The following CDH13 variants were observed in gnomAD, a reference collection of about 807,000 sequenced individuals.
CDH13 encodes the protein cadherin 13.
Under a neutral mutation model 63.8 loss-of-function variants are expected in CDH13, and 24 were observed. The observed-to-expected ratio is 0.38, with a 90% CI of 0.27 to 0.53. CDH13 has a LOEUF of 0.53. Among genes scored for constraint, CDH13 ranks in the 20% least tolerant of loss-of-function variants. The pLI, the probability that CDH13 is intolerant of heterozygous loss-of-function variation, is 0.85. For synonymous variants in CDH13, 503 were observed against 355.3 expected (o/e 1.42, Z -4.67); for missense variants, 1,049 against 903.1 (o/e 1.16, Z -2.07).
chr16:82,878,618 C>T (rs16958803), intron 2 of CDH13, among the ~76,000 whole-genome samples: 1 of 149,800 alleles, frequency 6.7e-6, no homozygotes, highest in Non-Finnish European at 1.5e-5. Context: ...TTCTTGGTAA[C>T]GATTTTCTCA....
At chr16:83,026,776 G>T (rs757181735) in intron 2 of CDH13, among the ~76,000 whole-genome samples, 42 of 152,140 alleles carry the variant, frequency 2.8e-4, no homozygotes, top group Non-Finnish European at 4.4e-4. Flanking sequence ...CATGACTGTT[G>T]TCTGTCCAAG....
intron 11 of CDH13, among the ~76,000 whole-genome samples, chr16:83,777,167 T>C (rs1239123258): frequency 6.6e-6 from 1 of 152,236 alleles, no homozygotes; most frequent in Non-Finnish European, 1.5e-5. Flanking sequence ...TCACATTTCC[T>C]ATCAATCCAA....
chr16:83,006,597 G>A (rs544491613), intron 2 of CDH13, among the ~76,000 whole-genome samples: 2 of 152,072 alleles, frequency 1.3e-5, no homozygotes, highest in Non-Finnish European at 2.9e-5. Context: ...CCCAATGAGG[G>A]TTATTCACTT....
chr16:83,536,504 G>C (rs976604515), intron 7 of CDH13, among the ~76,000 whole-genome samples: 2 of 152,190 alleles, frequency 1.3e-5, no homozygotes, highest in Middle Eastern at 3.2e-3. Context: ...GGAATGCAGT[G>C]AGTGTGGGTG....
At chr16:83,173,279 C>T (rs143728701) in intron 4 of CDH13, among the ~76,000 whole-genome samples, 2,634 of 152,168 alleles carry the variant, frequency 0.017, 43 homozygotes, top group Non-Finnish European at 0.028. Flanking sequence ...GACATTTAAA[C>T]TACTTTATTG....
At chr16:83,147,953 A>T (rs1196589581) in intron 4 of CDH13, among the ~76,000 whole-genome samples, 2 of 152,130 alleles carry the variant, frequency 1.3e-5, no homozygotes, top group East Asian at 3.9e-4. Flanking sequence ...CTTGTTTTTG[A>T]GATGGAGTCT....
chr16:83,566,725 AG>A (rs1406007832), intron 7 of CDH13, among the ~76,000 whole-genome samples: 1 of 152,188 alleles, frequency 6.6e-6, no homozygotes, highest in Non-Finnish European at 1.5e-5. Context: ...CTCTGCCTTC[AG>A]GGTTGTCATC....
chr16:83,740,777 G>A (rs999837513), intron 10 of CDH13, among the ~76,000 whole-genome samples: 11 of 152,316 alleles, frequency 7.2e-5, no homozygotes, highest in African/African-American at 2.4e-4. Flanking sequence ...TGAAAGGCAA[G>A]GCAAGAAGTA....
chr16:83,254,300 C>T (rs1905947503), intron 5 of CDH13, among the ~76,000 whole-genome samples: 1 of 152,168 alleles, frequency 6.6e-6, no homozygotes, highest in Non-Finnish European at 1.5e-5. Flanking sequence ...ATGATCGTTC[C>T]TTAAAATGAG....
At chr16:82,665,899 G>A (rs1912526207) in intron 1 of CDH13, among the ~76,000 whole-genome samples, 1 of 152,038 alleles carries the variant, frequency 6.6e-6, no homozygotes, top group Non-Finnish European at 1.5e-5. Context: ...TAAGAGTATT[G>A]TACCACATAT....
intron 2 of CDH13, among the ~76,000 whole-genome samples, chr16:82,889,596 G>A (rs2041009575): frequency 6.6e-6 from 1 of 152,152 alleles, no homozygotes; most frequent in Non-Finnish European, 1.5e-5. Context: ...AGTATCCACA[G>A]GATACAAGCA....
chr16:83,781,917 C>T (rs1031967026), intron 12 of CDH13, among the ~76,000 whole-genome samples: 2 of 150,264 alleles, frequency 1.3e-5, no homozygotes, highest in African/African-American at 2.5e-5. Context: ...TCATGTACCC[C>T]GGAACTTCAA....
At chr16:83,163,478 A>T (rs949210621) in intron 4 of CDH13, among the ~76,000 whole-genome samples, 1 of 152,124 alleles carries the variant, frequency 6.6e-6, no homozygotes. Context: ...CCAGACGCTC[A>T]TCACCTTGTT....
chr16:83,508,817 C>G (rs1011138831), intron 7 of CDH13, among the ~76,000 whole-genome samples: 1 of 152,206 alleles, frequency 6.6e-6, no homozygotes, highest in Non-Finnish European at 1.5e-5. Flanking sequence ...CTAGCTGGAT[C>G]CATTATTCTC....
chr16:83,654,702 C>T (rs1912702633), intron 8 of CDH13: 1 of 152,148 alleles, frequency 6.6e-6, no homozygotes, highest in Non-Finnish European at 1.5e-5. Context: ...CTTTCGTCTC[C>T]AGGCAAATAT....
chr16:83,697,626 GA>G (rs2150902813), intron 10 of CDH13, among the ~76,000 whole-genome samples: 1 of 152,300 alleles, frequency 6.6e-6, no homozygotes, highest in South Asian at 2.1e-4. Context: ...GAGGCTTGAG[GA>G]AACCTAACCG....
chr16:83,027,113 C>G lies in CDH13; in HGVS notation c.158-4897C>G, dbSNP rs989398219. Among the ~76,000 whole-genome samples the G allele has an allele frequency of 1.5e-3, 194 of 129,892 alleles. 2 individuals carry two copies. The highest frequency in any genetic ancestry group is 3.7e-3 in the African/African-American group (129 of 34,574). The allele number at this position is 129,892 out of a possible 152,430, so 85.2% of individuals were successfully genotyped here. Reference sequence around the variant, plus strand: ...AGCACAGAAGGGAGACCCCCCCCCCCCACCGCCCCGCCTCCAATCCTCTAC... The same window carrying G: ...AGCACAGAAGGGAGACCCCCCCCCCGCACCGCCCCGCCTCCAATCCTCTAC... On this transcript the variant is annotated intron_variant, in intron 2 of 13. Coordinates refer to ENST00000567109, the MANE Select transcript of CDH13 (RefSeq NM_001257.5).
At chr16:83,060,333 G>A (rs576239212) in intron 3 of CDH13, among the ~76,000 whole-genome samples, 1 of 152,096 alleles carries the variant, frequency 6.6e-6, no homozygotes, top group Non-Finnish European at 1.5e-5. Context: ...AAATGCGTAG[G>A]TCTCCATTCT....
chr16:83,605,397 T>C (rs1908231295), intron 8 of CDH13, among the ~76,000 whole-genome samples: 1 of 152,236 alleles, frequency 6.6e-6, no homozygotes, highest in Non-Finnish European at 1.5e-5. Context: ...ACACTTTGGA[T>C]AGTAACACTG....
Sources: allele counts gnomAD v4.1 joint callset (sites outside exome capture counted in the v4.1 genomes callset), GRCh38; gene constraint gnomAD v4.1.1; transcripts MANE v1.5; gene names NCBI Gene and HGNC (gene_info 2026-07-23, HGNC 2026-07-21).